Variants in DDX51 observed in about 807,000 individuals in gnomAD.
DDX51 encodes the protein DEAD-box helicase 51, also known as ATP-dependent RNA helicase DDX51.
Under a neutral mutation model 74.6 loss-of-function variants are expected in DDX51, and 67 were observed. The observed-to-expected ratio is 0.90, with a 90% confidence interval of 0.74 to 1.10. The LOEUF (loss-of-function observed/expected upper bound fraction) is 1.10, where lower values mean the gene tolerates loss of function less well. Ranked by LOEUF, DDX51 falls within the 50% of genes least tolerant of loss-of-function variation. DDX51 has a pLI of 0.00. For missense variants in DDX51, 1,056 were observed against 905.2 expected (o/e 1.17, Z -2.14); for synonymous variants, 545 against 402.9 (o/e 1.35, Z -4.22).
chr12:132,140,260 G>C, intron 11 of DDX51, 61 bp from the exon 12 acceptor site: 1 of 1,580,516 alleles, frequency 6.3e-7, no homozygotes, highest in South Asian at 1.1e-5. Context: ...TGGCAGCACC[G>C]GCCCTGCGGG....
chr12:132,141,339 C>T lies in DDX51; in HGVS notation c.1186G>A (p.Glu396Lys), dbSNP rs142395492. 2.3e-3 allele frequency: 3,613 copies of T among 1,598,736 alleles called. 53 individuals carry two copies. In the African/African-American group the frequency reaches 0.035, roughly 16 times the overall value. ...AGGGCACAGGGGTCCGCGGGGTCCT[C>T]GCTCTGGAAGGCGGCCGCCACCACC... ...PRVVAAAFQS[E>K]DPADPCALLQ... Residue 396 changes from glutamate to lysine, a missense_variant, in exon 8 of 15, where the codon GAG (glutamate) becomes AAG (lysine). Transcript: ENST00000397333.
rs766923584 is a variant in DDX51, at chr12:132,140,829, A to G, written c.1440+2T>C. On this transcript the variant is annotated splice_donor_variant, in intron 9 of 14. Transcript: ENST00000397333. LOFTEE classifies it high-confidence loss of function. ...CCTCTGCCCACACGGTATCCCACTC[A>G]CCGTGAGCCCAACAGGAAAGGCATA... 7.4e-6 allele frequency: 12 copies of G among 1,613,390 alleles called. No individual in the cohort carries two copies. Among genetic ancestry groups the G allele is most frequent in the Non-Finnish European group, 1.0e-5 (12 of 1,179,936 alleles).
chr12:132,139,579 C>A (rs1022429020), intron 14 of DDX51, 56 bp downstream of exon 14: 2 of 1,612,754 alleles, frequency 1.2e-6, no homozygotes, highest in Non-Finnish European at 1.7e-6. Context: ...GGTGACGACG[C>A]CCTCTCTGCA....
chr12:132,142,653 C>G, intron 3 of DDX51, 75 bp downstream of exon 3: 1 of 1,576,206 alleles, frequency 6.3e-7, no homozygotes, highest in Non-Finnish European at 8.6e-7. Flanking sequence ...GACGCCTGAC[C>G]CACGGCCACT....
In DDX51 at chr12:132,140,686, T is replaced by A; in HGVS notation, c.1490A>T (p.His497Leu). 6.2e-7 allele frequency: 1 copy of A among 1,612,962 alleles called. No homozygotes were observed. The change falls in exon 10 of 15, where the codon CAC (histidine) becomes CTC (leucine). Residue 497 changes from histidine (H) to leucine (L), a missense_variant. By Grantham distance (99) the His-to-Leu change is moderately conservative. Transcript: ENST00000397333. Reference sequence around the variant, plus strand: ...CGAGAAGCCCATCTCCAGGACCAGGTGCAGGACGACCAGCGGCTTAGAGCT... The same window carrying A: ...CGAGAAGCCCATCTCCAGGACCAGGAGCAGGACGACCAGCGGCTTAGAGCT... ...SLSSKPLVVL[H>L]LVLEMGFSRV...
intron 2 of DDX51, chr12:132,143,424 A>C (rs1897557964): frequency 1.8e-6 from 1 of 559,936 alleles, no homozygotes; most frequent in Non-Finnish European, 3.1e-6. Context: ...CGGTGAGCGC[A>C]CAGCAGGAAA....
rs1897527711 is a variant in DDX51, at chr12:132,142,886, CAAAA to C, written c.520-12_520-9del. On this transcript the variant is annotated splice_polypyrimidine_tract_variant and intron_variant, in intron 2 of 14. Coordinates refer to ENST00000397333, the MANE Select transcript of DDX51 (RefSeq NM_175066.4). ...TGGCAGGAAAGGCTGGACCTGCCAT[CAAAA>C]AGAAAGAGAGGCCAGGTGAGCGCTT... 2 of 1,612,462 alleles carry C rather than the reference CAAAA, an allele frequency of 1.2e-6. No individual in the cohort carries two copies. Among genetic ancestry groups the C allele is most frequent in the Non-Finnish European group, 8.5e-7 (1 of 1,179,978 alleles).
chr12:132,143,417 T>C (rs1897557395), intron 2 of DDX51: 5 of 553,884 alleles, frequency 9.0e-6, no homozygotes, highest in Admixed American at 3.6e-5. Context: ...CCTGAGGCGG[T>C]GAGCGCACAG....
chr12:132,139,575 GACGCCCTCTCTGCAA>G, intron 14 of DDX51, 45 bp downstream of exon 14: 1 of 1,612,582 alleles, frequency 6.2e-7, no homozygotes, highest in African/African-American at 1.3e-5. Context: ...GTGTGGTGAC[GACGCCCTCTCTGCAA>G]ACGCCCTCCC....
chr12:132,139,331 C>T (rs900181456), intron 14 of DDX51, 33 bp from the exon 15 acceptor site: 41 of 1,603,188 alleles, frequency 2.6e-5, no homozygotes, highest in Non-Finnish European at 3.2e-5. Context: ...CAGCACCACA[C>T]ACTCTGTCCC....
rs377625239 is a variant in DDX51 at position 132,140,376 on chromosome 12, T to C, written c.1673+47A>G. 3.8e-4 allele frequency: 608 copies of C among 1,603,416 alleles called. 1 individual carries two copies. The highest frequency in any genetic ancestry group is 5.0e-4 in the Non-Finnish European group (588 of 1,172,316). ...AGAGAGCCCCAGGCTGACCCTGGAG[T>C]GGGCACCCCCACCCCACAGAGGCCT... is the stretch of plus-strand genomic sequence containing the variant. On this transcript the variant is annotated intron_variant, in intron 11 of 14. Transcript: ENST00000397333.
intron 6 of DDX51, 91 bp from the exon 7 acceptor site, chr12:132,141,697 C>T: frequency 6.7e-7 from 1 of 1,486,676 alleles, no homozygotes; most frequent in Non-Finnish European, 9.1e-7. Flanking sequence ...CCCGACTCCA[C>T]CCCACATGGG....
chr12:132,141,019 T>A lies in DDX51; in HGVS notation c.1252A>T (p.Thr418Ser). ...TGCAGGGGCATCTGGGGACAGCAGG[T>A]GCTGGAAGAGAAGGGGGTGTTGCTG... ...RQAQAVTAAS[T>S]CCPQMPLQKL... is the part of the protein sequence containing the mutation. Residue 418 changes from threonine to serine, a missense_variant and splice_region_variant, in exon 9 of 15, where the codon ACC becomes TCC. Thr to Ser is a moderately conservative substitution (Grantham distance 58). Coordinates refer to ENST00000397333, the MANE Select transcript of DDX51 (RefSeq NM_175066.4). 6.3e-7 allele frequency: 1 copy of A among 1,589,172 alleles called. No individual in the cohort carries two copies. Among genetic ancestry groups the A allele is most frequent in the South Asian group, 1.1e-5 (1 of 88,872 alleles).
Position 132,139,055 on chromosome 12 carries a change from A to G in DDX51, c.*217T>C, listed in dbSNP as rs1897351404. ...ATTGCCCGCAGCCATCCTGACCTCC[A>G]CACTCTGAAAGTGACAAGCCCTGAA... On this transcript the variant is annotated 3_prime_UTR_variant, in exon 15 of 15. Coordinates refer to ENST00000397333, the MANE Select transcript of DDX51 (RefSeq NM_175066.4). 1.6e-6 allele frequency: 1 copy of G among 625,356 alleles called. No individual in the cohort carries two copies. Among genetic ancestry groups the G allele is most frequent in the African/African-American group, 1.8e-5 (1 of 54,578 alleles). The allele number at this position is 625,356 out of a possible 1,614,324, so 38.7% of individuals were successfully genotyped here. A position where few individuals can be genotyped will look rare whatever the true frequency, so the allele number is the denominator to read the frequency against.
chr12:132,143,628 G>T, intron 2 of DDX51, 67 bp downstream of exon 2: 1 of 1,516,400 alleles, frequency 6.6e-7, no homozygotes. Context: ...CGGGGCGACC[G>T]CCGCACTTAA....
At position 132,141,299 on chromosome 12, in the gene DDX51, T is replaced by G. The variant is rs1457052453; in HGVS notation, c.1226A>C (p.Gln409Pro). 6.3e-7 allele frequency: 1 copy of G among 1,596,656 alleles called. No individual in the cohort carries two copies. Residue 409 changes from glutamine to proline, a missense_variant, in exon 8 of 15, where the codon CAG becomes CCG. Gln to Pro is a moderately conservative substitution (Grantham distance 76). Coordinates refer to ENST00000397333, the MANE Select transcript of DDX51 (RefSeq NM_175066.4). ...CCTGGCGGCTGTCACAGCCTGGGCCTGCCTTCGCTGGAGCAGGGCACAGGG... is the reference window on the plus strand; with the variant it reads ...CCTGGCGGCTGTCACAGCCTGGGCCGGCCTTCGCTGGAGCAGGGCACAGGG... ...ADPCALLQRR[Q>P]AQAVTAASTC...
chr12:132,140,237 G>C, intron 11 of DDX51, 38 bp from the exon 12 acceptor site: 1 of 1,598,910 alleles, frequency 6.3e-7, no homozygotes, highest in Non-Finnish European at 8.5e-7. Context: ...CGACGTGCCA[G>C]GAGCAGGGGC....
rs745518765 is a variant in DDX51, at chr12:132,141,275, C to A, written c.1250G>T (p.Ser417Ile). 6.3e-7 allele frequency: 1 copy of A among 1,589,390 alleles called. No individual in the cohort carries two copies. The highest frequency in any genetic ancestry group is 8.5e-7 in the Non-Finnish European group (1 of 1,173,514). ...RRQAQAVTAA[S>I]TCCPQMPLQK... ...AGCACCTGGGCGTGCTGCTGGATACCTGGCGGCTGTCACAGCCTGGGCCTG... is the reference window on the plus strand; with the variant it reads ...AGCACCTGGGCGTGCTGCTGGATACATGGCGGCTGTCACAGCCTGGGCCTG... Residue 417 changes from serine to isoleucine, a missense_variant and splice_region_variant, in exon 8 of 15, where the codon AGC becomes ATC. Physicochemically the swap from Ser to Ile is moderately radical, Grantham distance 142. Coordinates refer to ENST00000397333, the MANE Select transcript of DDX51 (RefSeq NM_175066.4).
chr12:132,142,656 C>T (rs961708953), intron 3 of DDX51, 72 bp downstream of exon 3: 50 of 1,578,276 alleles, frequency 3.2e-5, no homozygotes, highest in African/African-American at 4.0e-5. Context: ...GCCTGACCCA[C>T]GGCCACTCAC....
Sources: gnomAD v4.1 joint callset for allele counts on GRCh38, gnomAD v4.1.1 for gene constraint, MANE v1.5 for transcripts, NCBI Gene and HGNC (gene_info 2026-07-23, HGNC 2026-07-21) for gene names.